CTNNA3: variants seen among roughly 807,000 people sequenced by gnomAD.
CTNNA3 encodes catenin alpha-3.
A neutral mutation model predicts 95.7 loss-of-function variants in CTNNA3; 76 were observed. The observed-to-expected ratio is 0.79, with a 90% CI of 0.66 to 0.96. The LOEUF (loss-of-function observed/expected upper bound fraction) is 0.96, where lower values mean the gene tolerates loss of function less well. Among genes scored for constraint, CTNNA3 ranks in the 40% least tolerant of loss-of-function variants. The pLI is 0.00. For synonymous variants in CTNNA3, 431 were observed against 374.4 expected (o/e 1.15, Z -1.74); for missense variants, 1,191 against 1,089.8 (o/e 1.09, Z -1.31).
chr10:67,019,558 G>A (rs567691733), intron 7 of CTNNA3, among the ~76,000 whole-genome samples: 6 of 152,060 alleles, frequency 3.9e-5, no homozygotes, highest in Non-Finnish European at 5.9e-5. Context: ...GAACTTTATC[G>A]TATATAAAAT....
intron 15 of CTNNA3, among the ~76,000 whole-genome samples, chr10:65,995,496 G>A (rs960234091): frequency 6.6e-6 from 1 of 152,172 alleles, no homozygotes; most frequent in Non-Finnish European, 1.5e-5. Flanking sequence ...CTTTGTAGGG[G>A]ATGAGAACTG....
intron 5 of CTNNA3, among the ~76,000 whole-genome samples, chr10:67,387,166 A>T (rs1021260905): frequency 6.6e-6 from 1 of 152,114 alleles, no homozygotes; most frequent in African/African-American, 2.4e-5. Flanking sequence ...CTCACTAGGG[A>T]GTGCCAGACA....
rs1429557553 is a variant in CTNNA3 at position 67,730,351 on chromosome 10, T to G, written c.-2+33083A>C. On this transcript the variant is annotated intron_variant, in intron 1 of 17. Transcript: ENST00000684154. ...TTTTTAAGAATGTTAAGATTTGTGG[T>G]GAAATTTTTGTTAACCCTACCATTT... is the stretch of plus-strand genomic sequence containing the variant. 2.0e-5 allele frequency among the ~76,000 whole-genome samples: 3 copies of G among 151,916 alleles called. No individual in the cohort carries two copies. The East Asian group carries it at 5.8e-4, about 29-fold the overall frequency.
At chr10:67,310,533 T>C (rs2132523939) in intron 5 of CTNNA3, among the ~76,000 whole-genome samples, 1 of 152,344 alleles carries the variant, frequency 6.6e-6, no homozygotes, top group African/African-American at 2.4e-5. Flanking sequence ...TAGTCCGTTC[T>C]CATGCTGCTA....
intron 1 of CTNNA3, among the ~76,000 whole-genome samples, chr10:67,666,982 A>G (rs1840342598): frequency 6.6e-6 from 1 of 152,182 alleles, no homozygotes; most frequent in Non-Finnish European, 1.5e-5. Flanking sequence ...CAAATGAACA[A>G]CAATCTTACA....
intron 7 of CTNNA3, among the ~76,000 whole-genome samples, chr10:66,935,171 T>C (rs986192848): frequency 2.6e-5 from 4 of 152,114 alleles, no homozygotes; most frequent in Non-Finnish European, 5.9e-5. Context: ...TAATATTTGA[T>C]GCAGTCAACC....
At chr10:67,404,966 T>G (rs1264437388) in intron 5 of CTNNA3, among the ~76,000 whole-genome samples, 1 of 152,060 alleles carries the variant, frequency 6.6e-6, no homozygotes, top group African/African-American at 2.4e-5. Context: ...CAAACTAAGC[T>G]TCATAAGAGA....
intron 10 of CTNNA3, among the ~76,000 whole-genome samples, chr10:66,550,925 T>C (rs1194013757): frequency 4.6e-5 from 7 of 152,164 alleles, no homozygotes; most frequent in Admixed American, 4.6e-4. Context: ...GCTGCTACTT[T>C]ATAAATCCTT....
rs137925658 is a variant in CTNNA3, at chr10:66,559,810, C to T, written c.1375-39037G>A. On this transcript the variant is annotated intron_variant, in intron 10 of 17. Coordinates refer to ENST00000433211, the MANE Select transcript of CTNNA3 (RefSeq NM_013266.4). Reference sequence around the variant, plus strand: ...ACCAAATGAACATCTCTCCATCCCACGCCACCCCCTTTTAAGCTCTTATAA... The same window carrying T: ...ACCAAATGAACATCTCTCCATCCCATGCCACCCCCTTTTAAGCTCTTATAA... Among the ~76,000 whole-genome samples, 56 of 152,152 alleles carry T rather than the reference C, an allele frequency of 3.7e-4. No homozygotes were observed. The East Asian group carries it at 9.3e-3, about 25-fold the overall frequency.
chr10:66,213,672 T>G (rs2088322561), intron 13 of CTNNA3, among the ~76,000 whole-genome samples: 1 of 152,192 alleles, frequency 6.6e-6, no homozygotes, highest in Non-Finnish European at 1.5e-5. Context: ...TCACATACTA[T>G]GAACTAATTT....
intron 12 of CTNNA3, among the ~76,000 whole-genome samples, chr10:66,348,893 A>G (rs2092545692): frequency 6.6e-6 from 1 of 152,102 alleles, no homozygotes; most frequent in South Asian, 2.1e-4. Flanking sequence ...CAGGGGATTT[A>G]TGGTTTAGGC....
intron 17 of CTNNA3, among the ~76,000 whole-genome samples, chr10:65,958,934 GT>G (rs2077786307): frequency 6.6e-6 from 1 of 152,208 alleles, no homozygotes; most frequent in African/African-American, 2.4e-5. Flanking sequence ...AGACAGGGAC[GT>G]TTAAGTCTGC....
At position 66,106,035 on chromosome 10, in the gene CTNNA3, C is replaced by A. The variant is rs192747579; in HGVS notation, c.1885-2786G>T. Reference sequence around the variant, plus strand: ...CCAGCCTGACCAACATGGAGAAACCCCGTCTCTACTAAAAATACAAAATTA... The same window carrying A: ...CCAGCCTGACCAACATGGAGAAACCACGTCTCTACTAAAAATACAAAATTA... On this transcript the variant is annotated intron_variant, in intron 13 of 17. Coordinates refer to ENST00000433211, the MANE Select transcript of CTNNA3 (RefSeq NM_013266.4). Among the ~76,000 whole-genome samples the A allele has an allele frequency of 2.0e-5, 3 of 152,116 alleles. No individual in the cohort carries two copies. The East Asian group carries it at 5.8e-4, about 30-fold the overall frequency.
intron 5 of CTNNA3, among the ~76,000 whole-genome samples, chr10:67,367,103 T>C (rs1843245645): frequency 6.6e-6 from 1 of 152,044 alleles, no homozygotes; most frequent in Non-Finnish European, 1.5e-5. Context: ...TAAACTAAAG[T>C]GCTTCTGCAA....
intron 13 of CTNNA3, among the ~76,000 whole-genome samples, chr10:66,148,177 C>T (rs1411363201): frequency 2.6e-5 from 4 of 151,858 alleles, no homozygotes; most frequent in African/African-American, 7.3e-5. Context: ...ATATTATGGG[C>T]ATTAATGTCG....
chr10:66,835,187 A>T (rs2132331540), intron 7 of CTNNA3, among the ~76,000 whole-genome samples: 1 of 145,818 alleles, frequency 6.9e-6, no homozygotes, highest in East Asian at 2.1e-4. Flanking sequence ...ATATGATGTG[A>T]CCTGTACCCT....
intron 5 of CTNNA3, among the ~76,000 whole-genome samples, chr10:67,449,350 A>G (rs1846879959): frequency 6.6e-6 from 1 of 152,156 alleles, no homozygotes; most frequent in African/African-American, 2.4e-5. Flanking sequence ...TTCATATGGA[A>G]CCAAAACAGA....
intron 11 of CTNNA3, among the ~76,000 whole-genome samples, chr10:66,386,439 T>C (rs545178922): frequency 6.6e-6 from 1 of 152,084 alleles, no homozygotes; most frequent in South Asian, 2.1e-4. Flanking sequence ...CTCAATGAAA[T>C]AAAAGAGGAC....
intron 5 of CTNNA3, among the ~76,000 whole-genome samples, chr10:67,418,514 TA>T (rs71006149): frequency 8.1e-4 from 117 of 144,210 alleles, no homozygotes; most frequent in Middle Eastern, 3.6e-3. Flanking sequence ...TATTTCACTG[TA>T]AAAAAAAAAA....
Sources: allele counts gnomAD v4.1 joint callset (sites outside exome capture counted in the v4.1 genomes callset), GRCh38; gene constraint gnomAD v4.1.1; transcripts MANE v1.5; gene names NCBI Gene and HGNC (gene_info 2026-07-23, HGNC 2026-07-21).